MEIOB: variants seen among roughly 807,000 people sequenced by gnomAD.
MEIOB encodes the protein meiosis-specific with OB domain-containing protein.
In MEIOB, 50 loss-of-function variants were observed where a neutral mutation model predicts 53.1. The ratio of observed to expected loss-of-function variants is 0.94; its 90% CI spans 0.75 to 1.19. The LOEUF (loss-of-function observed/expected upper bound fraction) is 1.19, where lower values mean the gene tolerates loss of function less well. Among genes scored for constraint, MEIOB ranks in the 50% most tolerant of loss-of-function variants. The pLI is 0.00. For synonymous variants in MEIOB, 192 were observed against 182.5 expected (o/e 1.05, Z -0.42); for missense variants, 551 against 550.8 (o/e 1.00, Z 0.00).
intron 11 of MEIOB, among the ~76,000 whole-genome samples, chr16:1,840,830 G>A (rs542868203): frequency 2.6e-5 from 4 of 152,096 alleles, no homozygotes; most frequent in African/African-American, 9.6e-5. Flanking sequence ...GATTACAGGC[G>A]TGAGCCACCA....
intron 6 of MEIOB, among the ~76,000 whole-genome samples, chr16:1,857,431 T>C (rs144704107): frequency 3.9e-4 from 59 of 152,348 alleles, no homozygotes; most frequent in African/African-American, 1.4e-3. Flanking sequence ...AAGCTTACCC[T>C]TTCCATTTAC....
intron 9 of MEIOB, among the ~76,000 whole-genome samples, chr16:1,850,589 T>G (rs1234513270): frequency 7.2e-6 from 1 of 138,574 alleles, no homozygotes. Context: ...AAAAAAAGAA[T>G]AATAAACTAT....
At chr16:1,841,490 T>G (rs1898910644) in intron 11 of MEIOB, among the ~76,000 whole-genome samples, 1 of 152,008 alleles carries the variant, frequency 6.6e-6, no homozygotes, top group Admixed American at 6.6e-5. Flanking sequence ...TGAAAATAAT[T>G]TTTTTTTAAT....
chr16:1,856,291 G>A (rs1899301313), intron 6 of MEIOB, among the ~76,000 whole-genome samples: 1 of 150,014 alleles, frequency 6.7e-6, no homozygotes, highest in South Asian at 2.1e-4. Flanking sequence ...AAGTAGCTGG[G>A]ACTGCAGGAA....
Position 1,839,327 on chromosome 16 carries a change from C to T in MEIOB, c.1146G>A (p.Leu382=). The T allele has an allele frequency of 6.2e-7, 1 of 1,614,134 alleles. No homozygotes were observed. Among genetic ancestry groups the T allele is most frequent in the Non-Finnish European group, 8.5e-7 (1 of 1,180,026 alleles). The change falls in exon 12 of 14, where the codon CTG becomes CTA. Residue 382 remains leucine (L), a synonymous_variant. Transcript: ENST00000325962. The stretch of plus-strand genomic sequence containing the variant: ...AATGAAGGGTGCCTGTGTGATCAGT[C>T]AGATCAATCAGCACATGGAAACTGA... The part of the protein sequence containing the change: ...VFLSFHVLID[L]TDHTGTLHSC...
intron 2 of MEIOB, among the ~76,000 whole-genome samples, chr16:1,867,591 GCCTCCT>G (rs1899628128): frequency 6.8e-6 from 1 of 147,974 alleles, no homozygotes; most frequent in African/African-American, 2.5e-5. Flanking sequence ...TCCTGCCTCA[GCCTCCT>G]GAGTACCTGG....
intron 12 of MEIOB, chr16:1,838,116 C>T: frequency 1.6e-6 from 1 of 629,426 alleles, no homozygotes; most frequent in Non-Finnish European, 2.7e-6. Context: ...CCCTCAGCTT[C>T]CCGTTTCTGA....
intron 9 of MEIOB, among the ~76,000 whole-genome samples, chr16:1,848,899 A>AG (rs965941363): frequency 6.6e-6 from 1 of 152,180 alleles, no homozygotes; most frequent in Non-Finnish European, 1.5e-5. Context: ...TTTCGGGTCC[A>AG]GGAATATGAC....
chr16:1,859,902 A>G (rs1018648528), intron 5 of MEIOB, among the ~76,000 whole-genome samples: 1 of 152,058 alleles, frequency 6.6e-6, no homozygotes, highest in African/African-American at 2.4e-5. Context: ...CCCACTCCAG[A>G]GCTCCCTCCC....
chr16:1,835,262 CAA>C (rs372656598), intron 13 of MEIOB, among the ~76,000 whole-genome samples: 12 of 106,116 alleles, frequency 1.1e-4, no homozygotes, highest in South Asian at 2.8e-4. Context: ...GACTGTGTCT[CAA>C]AAAAAAAAAA....
intron 9 of MEIOB, among the ~76,000 whole-genome samples, chr16:1,850,073 CTT>C (rs1266343898): frequency 6.6e-6 from 1 of 152,118 alleles, no homozygotes; most frequent in Non-Finnish European, 1.5e-5. Context: ...GCTCAAAATA[CTT>C]TGACATTTTT....
At chr16:1,838,605 C>T (rs1374842190) in intron 12 of MEIOB, among the ~76,000 whole-genome samples, 3 of 152,134 alleles carry the variant, frequency 2.0e-5, no homozygotes, top group African/African-American at 7.2e-5. Flanking sequence ...CTAGAAAAAC[C>T]ACCTTATGAC....
chr16:1,853,604 T>A (rs1899224808), intron 7 of MEIOB, among the ~76,000 whole-genome samples: 1 of 152,216 alleles, frequency 6.6e-6, no homozygotes, highest in Admixed American at 6.5e-5. Flanking sequence ...AAGGTGAGTG[T>A]CCCCCAGTGG....
At chr16:1,834,398 G>A (rs1898683906) in intron 13 of MEIOB, 32 bp from the exon 14 acceptor site, 4 of 1,230,064 alleles carry the variant, frequency 3.3e-6, no homozygotes, top group Admixed American at 1.9e-5. Flanking sequence ...GAGACAAAAG[G>A]TTAATTTTTA....
chr16:1,845,344 C>T (rs990610815), intron 9 of MEIOB, among the ~76,000 whole-genome samples: 3 of 151,976 alleles, frequency 2.0e-5, no homozygotes, highest in African/African-American at 7.3e-5. Context: ...ATGGTGACAC[C>T]CCACCTCTAC....
At position 1,857,913 on chromosome 16, in the gene MEIOB, AGC is replaced by A. The variant is rs1451995372; in HGVS notation, c.348_349del (p.Leu116PhefsTer3). Reference sequence around the variant, plus strand: ...TTTTACTGTTGAGTGATTCTCACTGAGCAACAGTTTACAGTTGCTAAATTGCA... The same window carrying A: ...TTTTACTGTTGAGTGATTCTCACTGAAACAGTTTACAGTTGCTAAATTGCA... On this transcript the variant is annotated frameshift_variant, in exon 6 of 14. Transcript: ENST00000325962. LOFTEE classifies it high-confidence loss of function. The A allele has an allele frequency of 6.5e-7, 1 of 1,547,186 alleles. No individual in the cohort carries two copies.
chr16:1,862,737 G>T (rs965311896), intron 3 of MEIOB, among the ~76,000 whole-genome samples: 1 of 152,062 alleles, frequency 6.6e-6, no homozygotes, highest in Non-Finnish European at 1.5e-5. Context: ...GGCCAACATG[G>T]TGAAACCCTG....
intron 13 of MEIOB, among the ~76,000 whole-genome samples, chr16:1,834,940 A>AC (rs140912036): frequency 0.011 from 1,128 of 98,524 alleles, 7 homozygotes; most frequent in Middle Eastern, 0.019. Context: ...TGTCCCCCCC[A>AC]CCCCCCCCCA....
At chr16:1,863,357 TTTTG>T (rs1039827012) in intron 3 of MEIOB, among the ~76,000 whole-genome samples, 3 of 151,896 alleles carry the variant, frequency 2.0e-5, no homozygotes, top group Admixed American at 6.6e-5. Flanking sequence ...AATTTTTGTT[TTTTG>T]TTTTTTTTTT....
Sources: allele counts gnomAD v4.1 joint callset (sites outside exome capture counted in the v4.1 genomes callset), GRCh38; gene constraint gnomAD v4.1.1; transcripts MANE v1.5; gene names NCBI Gene and HGNC (gene_info 2026-07-23, HGNC 2026-07-21).